Variants in VPS36 observed in about 807,000 individuals in gnomAD.
VPS36 encodes the protein vacuolar protein sorting 36 homolog.
A neutral mutation model predicts 63.5 loss-of-function variants in VPS36; 31 were observed. That is an observed-to-expected ratio of 0.49 (90% CI 0.37 to 0.66). The LOEUF is 0.66. Among genes scored for constraint, VPS36 ranks in the 30% least tolerant of loss-of-function variants. The probability of loss-of-function intolerance (pLI) is 0.00; values close to 1 mark genes in which losing one functional copy is unlikely to be tolerated. For synonymous variants in VPS36, 138 were observed against 157.2 expected (o/e 0.88, Z 0.91); for missense variants, 338 against 463.7 (o/e 0.73, Z 2.49).
chr13:52,416,165 A>G, intron 12 of VPS36, 72 bp from the exon 13 acceptor site: 1 of 1,442,584 alleles, frequency 6.9e-7, no homozygotes, highest in Non-Finnish European at 9.6e-7. Context: ...TCTGGGTTCT[A>G]ATGGTAGGCA....
rs200170312 is a variant in VPS36, at chr13:52,425,903, A to T, written c.774+29T>A. On this transcript the variant is annotated intron_variant, in intron 9 of 13. Transcript: ENST00000378060. Reference sequence around the variant, plus strand: ...ACATAGGGCTAATTTAACACAGTTTAAAAAAAAACACATAGGTTTAGTTTT... The same window carrying T: ...ACATAGGGCTAATTTAACACAGTTTTAAAAAAAACACATAGGTTTAGTTTT... 270 of 1,563,744 alleles carry T rather than the reference A, an allele frequency of 1.7e-4. 1 individual carries two copies. The highest frequency in any genetic ancestry group is 1.7e-4 in the Non-Finnish European group (200 of 1,154,536).
intron 6 of VPS36, among the ~76,000 whole-genome samples, chr13:52,430,455 A>G (rs141412969): frequency 0.013 from 2,027 of 152,182 alleles, 47 homozygotes; most frequent in African/African-American, 0.047. Context: ...ATATGGTGAA[A>G]CCCCATCTCT....
chr13:52,418,573 C>CAAAAAAAAAAAAAA (rs1201650906), intron 10 of VPS36, among the ~76,000 whole-genome samples: 3 of 31,156 alleles, frequency 9.6e-5, no homozygotes, highest in Admixed American at 3.6e-4. Context: ...GACTCCATCT[C>CAAAAAAAAAAAAAA]AAAAAAAAAA....
At chr13:52,417,005 T>G in intron 12 of VPS36, 52 bp downstream of exon 12, 1 of 1,506,138 alleles carries the variant, frequency 6.6e-7, no homozygotes, top group Admixed American at 1.8e-5. Flanking sequence ...TTGCTAAGCC[T>G]TCGGGTCTTC....
chr13:52,445,876 C>A (rs186859959), intron 1 of VPS36, among the ~76,000 whole-genome samples: 3,526 of 116,896 alleles, frequency 0.03, 156 homozygotes, highest in Middle Eastern at 0.075. Flanking sequence ...GGAGGCGGAG[C>A]TTGCAGTGAG....
At chr13:52,446,122 C>T (rs1420861771) in intron 1 of VPS36, among the ~76,000 whole-genome samples, 2 of 150,726 alleles carry the variant, frequency 1.3e-5, no homozygotes, top group African/African-American at 4.9e-5. Context: ...AAAAAATTGC[C>T]GGGCGTGGTG....
At chr13:52,448,961 A>G (rs1458636678) in intron 1 of VPS36, among the ~76,000 whole-genome samples, 1 of 152,214 alleles carries the variant, frequency 6.6e-6, no homozygotes, top group African/African-American at 2.4e-5. Flanking sequence ...ATAGTCACAA[A>G]GATGTAAATT....
chr13:52,418,831 G>A (rs1203111990), intron 10 of VPS36, among the ~76,000 whole-genome samples: 1 of 152,146 alleles, frequency 6.6e-6, no homozygotes, highest in East Asian at 1.9e-4. Flanking sequence ...CTATCCTTGT[G>A]GACAGTGCAG....
At chr13:52,432,770 A>T (rs1321479358) in intron 6 of VPS36, among the ~76,000 whole-genome samples, 1 of 152,230 alleles carries the variant, frequency 6.6e-6, no homozygotes. Context: ...CAACTTCACC[A>T]CAGATACATA....
chr13:52,445,939 C>CAAAAAAA (rs34529458), intron 1 of VPS36, among the ~76,000 whole-genome samples: 1 of 15,366 alleles, frequency 6.5e-5, no homozygotes, highest in African/African-American at 3.0e-4. Context: ...GACTCTATCT[C>CAAAAAAA]AAAAAAAAAA....
intron 1 of VPS36, among the ~76,000 whole-genome samples, chr13:52,447,831 G>A (rs1159002275): frequency 2.0e-5 from 3 of 149,034 alleles, no homozygotes; most frequent in Non-Finnish European, 4.4e-5. Flanking sequence ...TGCCTAGGCT[G>A]GAGTGCAGTG....
intron 6 of VPS36, among the ~76,000 whole-genome samples, chr13:52,433,241 G>A (rs1314712693): frequency 6.6e-6 from 1 of 152,140 alleles, no homozygotes; most frequent in African/African-American, 2.4e-5. Context: ...ACTGATGTCT[G>A]GTCTGATCCC....
intron 6 of VPS36, among the ~76,000 whole-genome samples, chr13:52,427,924 A>C (rs1958119820): frequency 6.6e-6 from 1 of 152,192 alleles, no homozygotes; most frequent in Non-Finnish European, 1.5e-5. Flanking sequence ...AGCACTACAA[A>C]GCTTTCCTGG....
chr13:52,443,696 C>G (rs1958304667), intron 1 of VPS36, among the ~76,000 whole-genome samples: 1 of 152,134 alleles, frequency 6.6e-6, no homozygotes, highest in African/African-American at 2.4e-5. Flanking sequence ...ATCACCTATT[C>G]AAAATATAAA....
intron 4 of VPS36, 145 bp from the exon 5 acceptor site, chr13:52,435,027 A>C (rs1958200542): frequency 1.4e-6 from 1 of 721,138 alleles, no homozygotes; most frequent in Admixed American, 3.2e-5. Flanking sequence ...GCTGGAGTGC[A>C]ATGGCGTGAT....
At chr13:52,442,603 A>C (rs1958292038) in intron 1 of VPS36, among the ~76,000 whole-genome samples, 158 bp from the exon 2 acceptor site, 1 of 152,226 alleles carries the variant, frequency 6.6e-6, no homozygotes, top group Non-Finnish European at 1.5e-5. Flanking sequence ...AATGCTACAT[A>C]CTTCATAAGC....
rs370774445 is a variant in VPS36 at position 52,448,364 on chromosome 13, G to C, written c.96+2135C>G. On this transcript the variant is annotated intron_variant, in intron 1 of 13. Transcript: ENST00000378060. ...ACCTTCCAAAAGATGAAGGAAGCCA[G>C]GATACCGCACCTTCCCCCAGGAGTC... Among the ~76,000 whole-genome samples the C allele has an allele frequency of 2.6e-5, 4 of 152,192 alleles. No homozygotes were observed. In the East Asian group the frequency reaches 7.7e-4, roughly 29 times the overall value.
chr13:52,427,920 A>G (rs1289129801), intron 6 of VPS36, among the ~76,000 whole-genome samples: 1 of 152,226 alleles, frequency 6.6e-6, no homozygotes, highest in Non-Finnish European at 1.5e-5. Context: ...CAAAAGCACT[A>G]CAAAGCTTTC....
chr13:52,440,077 C>G (rs1298209390), intron 2 of VPS36, among the ~76,000 whole-genome samples: 2 of 151,740 alleles, frequency 1.3e-5, no homozygotes, highest in African/African-American at 4.8e-5. Context: ...CTCCCAGGTT[C>G]AAGTGATCCT....
Sources: gnomAD v4.1 joint callset for allele counts (sites outside exome capture counted in the v4.1 genomes callset) on GRCh38, gnomAD v4.1.1 for gene constraint, MANE v1.5 for transcripts, NCBI Gene and HGNC (gene_info 2026-07-23, HGNC 2026-07-21) for gene names.